GALK2: variants seen among roughly 807,000 people sequenced by gnomAD.
GALK2 encodes the protein galactokinase 2.
In GALK2, 36 loss-of-function variants were observed where a neutral mutation model predicts 52.4. The ratio of observed to expected loss-of-function variants is 0.69; its 90% CI spans 0.53 to 0.91. The LOEUF is 0.91. Among genes scored for constraint, GALK2 ranks in the 40% least tolerant of loss-of-function variants. The pLI is 0.00. For synonymous variants in GALK2, 176 were observed against 199.1 expected, an observed-to-expected ratio of 0.88 and a Z score of 0.98; for missense variants, 579 against 559.1, an observed-to-expected ratio of 1.04 and a Z score of -0.36.
chr15:49,212,204 T>A (rs1237509529), intron 2 of GALK2, among the ~76,000 whole-genome samples: 1 of 152,220 alleles, frequency 6.6e-6, no homozygotes, highest in African/African-American at 2.4e-5. Context: ...GTGATTGTCC[T>A]GCCTCAGCCT....
intron 1 of GALK2, among the ~76,000 whole-genome samples, chr15:49,157,434 T>C (rs1323270636): frequency 2.0e-5 from 3 of 152,188 alleles, no homozygotes; most frequent in Admixed American, 1.3e-4. Context: ...TTATTTTGAA[T>C]TGGTTTTAAG....
downstream of GALK2, among the ~76,000 whole-genome samples, chr15:49,332,059 A>C (rs1222541160): frequency 6.6e-6 from 1 of 150,736 alleles, no homozygotes; most frequent in Admixed American, 6.7e-5. Context: ...AGGTTCAGAC[A>C]CCCACCCCCG....
chr15:49,166,957 A>G (rs1166660791), upstream of GALK2, among the ~76,000 whole-genome samples: 1 of 152,212 alleles, frequency 6.6e-6, no homozygotes, highest in Non-Finnish European at 1.5e-5. Context: ...GGTCTTAGAC[A>G]TTTAGTTTTG....
At chr15:49,233,864 G>A (rs1035689550) in intron 3 of GALK2, among the ~76,000 whole-genome samples, 7 of 152,090 alleles carry the variant, frequency 4.6e-5, no homozygotes, top group Admixed American at 1.3e-4. Context: ...TTATTATCAC[G>A]TGCCATTACT....
At chr15:49,192,117 A>G (rs961308851) in intron 1 of GALK2, among the ~76,000 whole-genome samples, 1 of 152,238 alleles carries the variant, frequency 6.6e-6, no homozygotes, top group Admixed American at 6.5e-5. Flanking sequence ...ACTTTCTGGT[A>G]TAGAAAGATG....
intron 3 of GALK2, among the ~76,000 whole-genome samples, chr15:49,355,995 T>C (rs2043092413): frequency 6.6e-6 from 1 of 151,328 alleles, no homozygotes; most frequent in African/African-American, 2.4e-5. Flanking sequence ...AAACTAAGCT[T>C]CATAAGTGAA....
intron 2 of GALK2, among the ~76,000 whole-genome samples, chr15:49,209,691 G>A (rs556932200): frequency 6.6e-6 from 1 of 152,018 alleles, no homozygotes; most frequent in African/African-American, 2.4e-5. Flanking sequence ...AATCCCACTT[G>A]ATCATGGTAT....
intron 1 of GALK2, among the ~76,000 whole-genome samples, chr15:49,173,181 GC>G (rs1394927860): frequency 6.6e-6 from 1 of 152,062 alleles, no homozygotes; most frequent in African/African-American, 2.4e-5. Context: ...TTGGTGACTG[GC>G]TTCTTCCATG....
chr15:49,276,517 G>A (rs1252642756), intron 5 of GALK2, among the ~76,000 whole-genome samples: 1 of 152,168 alleles, frequency 6.6e-6, no homozygotes, highest in African/African-American at 2.4e-5. Context: ...AATCTATTGA[G>A]ATTTTACATA....
In GALK2 at chr15:49,230,936, C is replaced by T. The variant is rs534054775; in HGVS notation, c.267-4915C>T. On this transcript the variant is annotated intron_variant, in intron 3 of 9. Coordinates refer to ENST00000560031, the MANE Select transcript of GALK2 (RefSeq NM_002044.4). ...AGTGGTTTTGAACCTCAGGAAAAGG[C>T]TAGGTAGAGAGGTGAGATAGGGATG... Among the ~76,000 whole-genome samples the T allele has an allele frequency of 2.6e-5, 4 of 151,992 alleles. 1 individual carries two copies. The South Asian group carries it at 8.3e-4, about 32-fold the overall frequency.
intron 3 of GALK2, among the ~76,000 whole-genome samples, chr15:49,232,854 G>C (rs1468115401): frequency 6.6e-6 from 1 of 152,114 alleles, no homozygotes; most frequent in Non-Finnish European, 1.5e-5. Flanking sequence ...GACCTTCTTA[G>C]CTGGGATTTC....
At chr15:49,351,284 T>C (rs1296370199) in intron 3 of GALK2, among the ~76,000 whole-genome samples, 1 of 152,176 alleles carries the variant, frequency 6.6e-6, no homozygotes. Flanking sequence ...GCTATGGAAT[T>C]GTTAGTTTAA....
chr15:49,228,428 A>G (rs1323774777), intron 3 of GALK2, among the ~76,000 whole-genome samples: 1 of 150,032 alleles, frequency 6.7e-6, no homozygotes, highest in Non-Finnish European at 1.5e-5. Context: ...TTTTTTCCTT[A>G]TATTTGTCTG....
intron 3 of GALK2, among the ~76,000 whole-genome samples, chr15:49,222,418 T>A (rs1465242464): frequency 2.0e-5 from 3 of 152,322 alleles, no homozygotes; most frequent in Middle Eastern, 3.4e-3. Context: ...TGGCTAAAAT[T>A]TCTAGTATTA....
chr15:49,365,688 C>T, intron 3 of GALK2: 2 of 922,092 alleles, frequency 2.2e-6, no homozygotes, highest in Non-Finnish European at 3.6e-6. Context: ...TGGCCAACTT[C>T]AGTGTTTTAA....
Position 49,235,926 on chromosome 15 carries a change from A to C in GALK2, c.342A>C (p.Gly114=). 6.2e-7 allele frequency: 1 copy of C among 1,609,990 alleles called. No individual in the cohort carries two copies. The highest frequency in any genetic ancestry group is 8.5e-7 in the Non-Finnish European group (1 of 1,176,258). ...KPLWHNYFLC[G]LKGIQEHFGL... The stretch of plus-strand genomic sequence containing the variant: ...TGTGGCACAACTATTTCTTATGTGG[A>C]CTTAAAGGAATTCAGGTAAATTGGT... The change falls in exon 4 of 10, where the codon GGA becomes GGC. Residue 114 remains glycine, a synonymous_variant. Coordinates refer to ENST00000560031, the MANE Select transcript of GALK2 (RefSeq NM_002044.4).
chr15:49,294,140 C>T (rs969279731), intron 8 of GALK2, among the ~76,000 whole-genome samples: 3 of 139,864 alleles, frequency 2.1e-5, no homozygotes, highest in Admixed American at 1.5e-4. Context: ...GACCCTGTCT[C>T]AAATAAATAA....
chr15:49,351,634 G>A (rs1025400805), intron 3 of GALK2, among the ~76,000 whole-genome samples: 3 of 152,208 alleles, frequency 2.0e-5, no homozygotes, highest in South Asian at 2.1e-4. Flanking sequence ...AAAGATCAGC[G>A]TGTAGGAGGC....
rs949879134 is a variant in GALK2, at chr15:49,159,587, A to AT, written c.20+3571_20+3572insT. Among the ~76,000 whole-genome samples the AT allele has an allele frequency of 9.2e-5, 14 of 151,876 alleles. No individual in the cohort carries two copies. In the East Asian group the frequency reaches 9.7e-4, roughly 10 times the overall value. On this transcript the variant is annotated intron_variant, in intron 1 of 9. Coordinates refer to the GALK2 transcript ENST00000327171. The stretch of plus-strand genomic sequence containing the variant: ...CAAGACTCTGTCTCAAAAAAAAAAA[A>AT]AAAAATAAAATAAAATAAATAATTC...
Sources: allele counts gnomAD v4.1 joint callset (sites outside exome capture counted in the v4.1 genomes callset), GRCh38; gene constraint gnomAD v4.1.1; transcripts MANE v1.5; gene names NCBI Gene and HGNC (gene_info 2026-07-23, HGNC 2026-07-21).